FUT9: variants seen among roughly 807,000 people sequenced by gnomAD.
FUT9 encodes 4-galactosyl-N-acetylglucosaminide 3-alpha-L-fucosyltransferase 9.
Under a neutral mutation model 29.7 loss-of-function variants are expected in FUT9, and 15 were observed. The ratio of observed to expected loss-of-function variants is 0.51; its 90% CI spans 0.34 to 0.78. The LOEUF (loss-of-function observed/expected upper bound fraction) is 0.78. Among genes scored for constraint, FUT9 ranks in the 30% least tolerant of loss-of-function variants. The probability of loss-of-function intolerance (pLI) is 0.01; values close to 1 mark genes in which losing one functional copy is unlikely to be tolerated. For synonymous variants in FUT9, 169 were observed against 153.7 expected (o/e 1.10, Z -0.74); for missense variants, 319 against 425.4 (o/e 0.75, Z 2.20).
At chr6:96,171,085 A>G (rs1472101687) in intron 2 of FUT9, among the ~76,000 whole-genome samples, 2 of 152,200 alleles carry the variant, frequency 1.3e-5, no homozygotes, top group Non-Finnish European at 2.9e-5. Flanking sequence ...AGTGCAGAAC[A>G]GGGCAAGTGA....
chr6:96,191,668 A>T (rs1037614642), intron 2 of FUT9, among the ~76,000 whole-genome samples: 2 of 152,302 alleles, frequency 1.3e-5, no homozygotes, highest in African/African-American at 2.4e-5. Flanking sequence ...AGGAGCTGGT[A>T]CCATTCCTTC....
At chr6:96,034,878 T>TGGCCTATTACAAAG in intron 1 of FUT9, among the ~76,000 whole-genome samples, 1 of 151,720 alleles carries the variant, frequency 6.6e-6, no homozygotes, top group Admixed American at 6.6e-5. Flanking sequence ...GTAAGAAAGA[T>TGGCCTATTACAAAG]CAGTTTTGGA....
At chr6:96,075,873 CT>C (rs1422985675) in intron 1 of FUT9, among the ~76,000 whole-genome samples, 4 of 152,124 alleles carry the variant, frequency 2.6e-5, no homozygotes, top group Non-Finnish European at 4.4e-5. Flanking sequence ...TTCTTTTCCC[CT>C]CGTACATGTT....
rs572904361 is a variant in FUT9, at chr6:96,205,698, C to A, written c.*1463C>A. 1 of 166,226 alleles carries A rather than the reference C, an allele frequency of 6.0e-6. No individual in the cohort carries two copies. The highest frequency in any genetic ancestry group is 1.9e-4 in the East Asian group (1 of 5,172). 10.3% of individuals were successfully genotyped at this position (166,226 alleles called of 1,614,324 possible). ...ACATTCCTCAAAATGATCTTTAGTG[C>A]CTTTATTCCTTTCAGGCCAATAATC... On this transcript the variant is annotated 3_prime_UTR_variant, in exon 3 of 3. Transcript: ENST00000302103.
intron 2 of FUT9, among the ~76,000 whole-genome samples, chr6:96,178,522 T>C (rs372994061): frequency 5.9e-5 from 9 of 152,298 alleles, no homozygotes; most frequent in South Asian, 4.1e-4. Context: ...AGAGAAAAAT[T>C]GTCTTTTGAA....
In FUT9 at chr6:96,021,266, T is replaced by TGTTGTTGTTGTTG. The variant is rs144972657; in HGVS notation, c.-98+5054_-98+5055insGTTGTTGTTGTTG. On this transcript the variant is annotated intron_variant, in intron 1 of 2. Coordinates refer to ENST00000302103, the MANE Select transcript of FUT9 (RefSeq NM_006581.4). ...ACTAATTTTAACTCTGACAGAGTTT[T>TGTTGTTGTTGTTG]TTGTTGTTGTTGTTGTTGTTTTGTT... is the stretch of plus-strand genomic sequence containing the variant. 2.7e-3 allele frequency among the ~76,000 whole-genome samples: 418 copies of TGTTGTTGTTGTTG among 152,062 alleles called. 1 individual carries two copies. The highest frequency in any genetic ancestry group is 9.6e-3 in the African/African-American group (397 of 41,522).
rs564885825 is a variant in FUT9 at position 96,087,960 on chromosome 6, A to T, written c.-97-26079A>T. On this transcript the variant is annotated intron_variant, in intron 1 of 2. Transcript: ENST00000302103. Reference sequence around the variant, plus strand: ...CTTGTATGTGTCTGAGAAAGTCTTTATTTTTCAAAGACATTTTCACTGGCT... The same window carrying T: ...CTTGTATGTGTCTGAGAAAGTCTTTTTTTTTCAAAGACATTTTCACTGGCT... Among the ~76,000 whole-genome samples, 9 of 152,106 alleles carry T rather than the reference A, an allele frequency of 5.9e-5. No homozygotes were observed. In the East Asian group the frequency reaches 1.7e-3, roughly 29 times the overall value.
At chr6:96,055,709 C>CTTTTTTTTTTTTT (rs113298226) in intron 1 of FUT9, among the ~76,000 whole-genome samples, 1 of 45,610 alleles carries the variant, frequency 2.2e-5, no homozygotes, top group Non-Finnish European at 5.8e-5. Flanking sequence ...ATTTCTTTTT[C>CTTTTTTTTTTTTT]TTTTTTTTTT....
At chr6:96,097,750 C>G (rs1771525107) in intron 1 of FUT9, among the ~76,000 whole-genome samples, 1 of 152,100 alleles carries the variant, frequency 6.6e-6, no homozygotes, top group Non-Finnish European at 1.5e-5. Flanking sequence ...CTCAAATTTC[C>G]TCCTAAGTAT....
intron 1 of FUT9, among the ~76,000 whole-genome samples, chr6:96,039,822 T>C (rs1420103914): frequency 6.6e-6 from 1 of 152,178 alleles, no homozygotes; most frequent in East Asian, 1.9e-4. Context: ...CAATAAGTTG[T>C]GTAGACGTAA....
At position 96,054,836 on chromosome 6, in the gene FUT9, G is replaced by A. The variant is rs144076250; in HGVS notation, c.-98+38624G>A. ...CAAGGTTTAAAAGTGAGCATTAAATGTAATAATATAGGTAATGTTCTTATA... is the reference window on the plus strand; with the variant it reads ...CAAGGTTTAAAAGTGAGCATTAAATATAATAATATAGGTAATGTTCTTATA... On this transcript the variant is annotated intron_variant, in intron 1 of 2. Transcript: ENST00000302103. 3.0e-3 allele frequency among the ~76,000 whole-genome samples: 454 copies of A among 152,274 alleles called. 1 individual carries two copies. The highest frequency in any genetic ancestry group is 0.01 in the African/African-American group (424 of 41,560).
chr6:96,046,394 T>A (rs1376165402), intron 1 of FUT9, among the ~76,000 whole-genome samples: 1 of 152,144 alleles, frequency 6.6e-6, no homozygotes, highest in African/African-American at 2.4e-5. Flanking sequence ...ACAGACCAAT[T>A]TGAAAAATAT....
At chr6:96,201,107 T>G (rs562406291) in intron 2 of FUT9, among the ~76,000 whole-genome samples, 1 of 152,146 alleles carries the variant, frequency 6.6e-6, no homozygotes, top group East Asian at 1.9e-4. Context: ...GTATTCCTAA[T>G]TTATTGAATT....
At chr6:96,069,829 C>T (rs919121032) in intron 1 of FUT9, among the ~76,000 whole-genome samples, 2 of 151,920 alleles carry the variant, frequency 1.3e-5, no homozygotes, top group East Asian at 3.9e-4. Flanking sequence ...GATGGGGTTT[C>T]GCCGTGTTAG....
At chr6:96,174,150 C>T (rs1773162373) in intron 2 of FUT9, among the ~76,000 whole-genome samples, 1 of 152,086 alleles carries the variant, frequency 6.6e-6, no homozygotes, top group African/African-American at 2.4e-5. Context: ...TAGAAATTCA[C>T]AAGCAACACT....
intron 1 of FUT9, among the ~76,000 whole-genome samples, chr6:96,090,089 G>T (rs1562121207): frequency 1.3e-5 from 2 of 152,000 alleles, no homozygotes; most frequent in Non-Finnish European, 1.5e-5. Context: ...AACAATACAA[G>T]TACCAATGGA....
intron 2 of FUT9, among the ~76,000 whole-genome samples, chr6:96,171,596 T>G (rs1339981577): frequency 6.6e-6 from 1 of 152,202 alleles, no homozygotes; most frequent in Non-Finnish European, 1.5e-5. Flanking sequence ...TGTTGCTCCG[T>G]GCATACCAAG....
At chr6:96,194,316 A>C (rs944230630) in intron 2 of FUT9, among the ~76,000 whole-genome samples, 3 of 152,132 alleles carry the variant, frequency 2.0e-5, no homozygotes, top group Admixed American at 6.6e-5. Flanking sequence ...TGGTAGAAGA[A>C]TTTGCCTTTC....
At chr6:96,039,147 G>A (rs1337269899) in intron 1 of FUT9, among the ~76,000 whole-genome samples, 1 of 151,984 alleles carries the variant, frequency 6.6e-6, no homozygotes, top group Admixed American at 6.6e-5. Flanking sequence ...TTAGTGATGG[G>A]CACATAATTT....
Sources: gnomAD v4.1 joint callset for allele counts (sites outside exome capture counted in the v4.1 genomes callset) on GRCh38, gnomAD v4.1.1 for gene constraint, MANE v1.5 for transcripts, NCBI Gene and HGNC (gene_info 2026-07-23, HGNC 2026-07-21) for gene names.